ZMIZ1: variants seen among roughly 807,000 people sequenced by gnomAD.
The protein encoded by ZMIZ1 is zinc finger MIZ domain-containing protein 1.
ZMIZ1 carries 17 observed loss-of-function variants against 113.9 expected under a neutral mutation model. The observed-to-expected ratio is 0.15, with a 90% CI of 0.10 to 0.22. ZMIZ1 has a LOEUF of 0.22. Among genes scored for constraint, ZMIZ1 ranks in the 10% least tolerant of loss-of-function variants. The pLI, the probability that ZMIZ1 is intolerant of heterozygous loss-of-function variation, is 1.00. For missense variants in ZMIZ1, 1,059 were observed against 1,477.8 expected, an observed-to-expected ratio of 0.72 and a Z score of 4.65; for synonymous variants, 607 against 603.1, an observed-to-expected ratio of 1.01 and a Z score of -0.09.
chr10:79,093,688 C>T (rs1464158988), intron 1 of ZMIZ1, among the ~76,000 whole-genome samples: 1 of 152,150 alleles, frequency 6.6e-6, no homozygotes, highest in Non-Finnish European at 1.5e-5. Flanking sequence ...GCCACAGAGC[C>T]AGAAGGCGTT....
chr10:79,184,524 C>T (rs188434559), intron 4 of ZMIZ1, among the ~76,000 whole-genome samples: 27 of 152,350 alleles, frequency 1.8e-4, no homozygotes, highest in Non-Finnish European at 3.2e-4. Flanking sequence ...CCCAGAGGCG[C>T]CCGGATAAGT....
At chr10:79,233,926 C>G (rs1326540970) in intron 7 of ZMIZ1, among the ~76,000 whole-genome samples, 1 of 152,134 alleles carries the variant, frequency 6.6e-6, no homozygotes, top group African/African-American at 2.4e-5. Flanking sequence ...TGAAGTTGGG[C>G]AAACCAGAGT....
At chr10:79,109,580 C>G (rs1439639045) in intron 1 of ZMIZ1, among the ~76,000 whole-genome samples, 4 of 152,184 alleles carry the variant, frequency 2.6e-5, no homozygotes, top group South Asian at 2.1e-4. Context: ...GTGCCCACTC[C>G]CAGGCCCCCA....
chr10:79,104,525 T>C (rs1032155216), intron 1 of ZMIZ1, among the ~76,000 whole-genome samples: 9 of 152,190 alleles, frequency 5.9e-5, no homozygotes, highest in Admixed American at 1.3e-4. Flanking sequence ...CAGGGGTGAA[T>C]ACCCACCAAG....
At chr10:79,209,528 A>C (rs1034280769) in intron 6 of ZMIZ1, among the ~76,000 whole-genome samples, 3 of 152,224 alleles carry the variant, frequency 2.0e-5, no homozygotes, top group Admixed American at 6.5e-5. Flanking sequence ...GAGCCCGCCT[A>C]TCCTGAGGCT....
intron 2 of ZMIZ1, among the ~76,000 whole-genome samples, chr10:79,135,062 C>CCCGCCT (rs1564671895): frequency 6.6e-6 from 1 of 152,216 alleles, no homozygotes; most frequent in South Asian, 2.1e-4. Context: ...AGGTGATCTG[C>CCCGCCT]CCGCCTCCGC....
chr10:79,194,787 A>G (rs915897769), intron 4 of ZMIZ1, among the ~76,000 whole-genome samples: 2 of 152,152 alleles, frequency 1.3e-5, no homozygotes, highest in African/African-American at 4.8e-5. Flanking sequence ...GCAGCCCTCT[A>G]TACATAATAG....
At chr10:79,175,456 T>TGTG (rs1554862711) in intron 4 of ZMIZ1, among the ~76,000 whole-genome samples, 21 of 152,106 alleles carry the variant, frequency 1.4e-4, no homozygotes, top group South Asian at 2.1e-4. Flanking sequence ...CCTGCCCCGA[T>TGTG]CAGCTGGGTT....
At chr10:79,272,411 T>G (rs1852003595) in intron 7 of ZMIZ1, among the ~76,000 whole-genome samples, 2 of 152,254 alleles carry the variant, frequency 1.3e-5, no homozygotes, top group Admixed American at 6.5e-5. Flanking sequence ...GAATGAGGTT[T>G]CGAATCGAAT....
intron 7 of ZMIZ1, among the ~76,000 whole-genome samples, chr10:79,236,912 G>A (rs551706911): frequency 1.7e-4 from 26 of 152,244 alleles, no homozygotes; most frequent in Non-Finnish European, 3.5e-4. Flanking sequence ...TTGCCTTTTA[G>A]TGAGGGAGAC....
chr10:79,256,388 G>A (rs879582922), intron 7 of ZMIZ1, among the ~76,000 whole-genome samples: 13 of 151,968 alleles, frequency 8.6e-5, no homozygotes, highest in African/African-American at 2.7e-4. Flanking sequence ...CCCAGCCCTC[G>A]GTGGACTCTG....
chr10:79,221,396 T>C (rs761557185), intron 7 of ZMIZ1, among the ~76,000 whole-genome samples: 95 of 152,368 alleles, frequency 6.2e-4, no homozygotes, highest in Non-Finnish European at 3.7e-4. Context: ...CTCTTTGTTC[T>C]GGCGCAGCCT....
chr10:79,311,484 G>GT (rs1475256427), intron 24 of ZMIZ1, among the ~76,000 whole-genome samples: 1 of 152,148 alleles, frequency 6.6e-6, no homozygotes, highest in African/African-American at 2.4e-5. Flanking sequence ...GCACAGGAGG[G>GT]TCCCTGCCCT....
chr10:79,242,539 GCCCTC>G (rs543878844), intron 7 of ZMIZ1, among the ~76,000 whole-genome samples: 1,364 of 131,140 alleles, frequency 0.01, 20 homozygotes, highest in African/African-American at 0.033. Context: ...GCCTAGCCCC[GCCCTC>G]CCCTCCCCTC....
At position 79,277,315 on chromosome 10, in the gene ZMIZ1, C is replaced by T; in HGVS notation, c.415C>T (p.Leu139=). ...LSSMSSMKPT[L]SHSDGSFPYD... ...CTCCATGAGCTCCATGAAACCCACT[C>T]TGTCGCACAGGTAAGTGGGTGGGTG... The change falls in exon 8 of 25, where the codon CTG becomes TTG. Residue 139 remains leucine (L), a synonymous_variant. Coordinates refer to ENST00000334512, the MANE Select transcript of ZMIZ1 (RefSeq NM_020338.4). 2 of 1,596,712 alleles carry T rather than the reference C, an allele frequency of 1.3e-6. No individual in the cohort carries two copies. Among genetic ancestry groups the T allele is most frequent in the Non-Finnish European group, 1.7e-6 (2 of 1,172,132 alleles).
At chr10:79,266,614 C>T (rs919025100) in intron 7 of ZMIZ1, among the ~76,000 whole-genome samples, 6 of 152,140 alleles carry the variant, frequency 3.9e-5, no homozygotes, top group Non-Finnish European at 5.9e-5. Flanking sequence ...ACTGATGGTG[C>T]GGTGGTCTCG....
At chr10:79,123,192 C>G (rs1040502106) in intron 2 of ZMIZ1, among the ~76,000 whole-genome samples, 1 of 152,178 alleles carries the variant, frequency 6.6e-6, no homozygotes, top group Non-Finnish European at 1.5e-5. Flanking sequence ...TTCCATATGG[C>G]TGGCACTTCA....
chr10:79,113,494 A>G (rs933556643), intron 1 of ZMIZ1, among the ~76,000 whole-genome samples: 7 of 152,130 alleles, frequency 4.6e-5, no homozygotes, highest in Non-Finnish European at 2.9e-5. Flanking sequence ...CCTGGCCTGA[A>G]TGTGACTGGT....
intron 19 of ZMIZ1, 124 bp downstream of exon 19, chr10:79,304,299 GC>G: frequency 1.6e-6 from 2 of 1,273,428 alleles, no homozygotes; most frequent in South Asian, 3.0e-5. Context: ...ATGGAGATCA[GC>G]AGCTGGCGTC....
Sources: allele counts gnomAD v4.1 joint callset (sites outside exome capture counted in the v4.1 genomes callset), GRCh38; gene constraint gnomAD v4.1.1; transcripts MANE v1.5; gene names NCBI Gene and HGNC (gene_info 2026-07-23, HGNC 2026-07-21).